The following IGF2 variants were observed in gnomAD, a reference collection of about 807,000 sequenced individuals.
IGF2 encodes insulin-like growth factor 2.
IGF2 carries 2 observed loss-of-function variants against 12.0 expected under a neutral mutation model. That is an observed-to-expected ratio of 0.17 (90% CI 0.07 to 0.52). The LOEUF (loss-of-function observed/expected upper bound fraction) is 0.52, where lower values mean the gene tolerates loss of function less well. Ranked by LOEUF, IGF2 falls within the 20% of genes least tolerant of loss-of-function variation. The probability of loss-of-function intolerance (pLI) is 0.95; values close to 1 mark genes in which losing one functional copy is unlikely to be tolerated. For synonymous variants in IGF2, 105 were observed against 110.1 expected (o/e 0.95, Z 0.29); for missense variants, 211 against 268.0 (o/e 0.79, Z 1.48).
At position 2,133,592 on chromosome 11, in the gene IGF2, C is replaced by G; in HGVS notation, c.231G>C (p.Leu77=). 1 of 1,613,036 alleles carries G rather than the reference C, an allele frequency of 6.2e-7. No homozygotes were observed. Among genetic ancestry groups the G allele is most frequent in the Admixed American group, 1.7e-5 (1 of 60,004 alleles). The change falls in exon 3 of 4, where the codon CTG becomes CTC. Residue 77 remains leucine (L), a synonymous_variant. Coordinates refer to ENST00000416167, the MANE Select transcript of IGF2 (RefSeq NM_000612.6). The surrounding 1 kb of genome is among the most constrained non-coding windows in gnomAD (Gnocchi z 8.9). ...VEECCFRSCD[L]ALLETYCATP... is the part of the protein sequence containing the mutation. ...TAGCACAGTACGTCTCCAGGAGGGC[C>G]AGGTCACAGCTGCGGAAACAGCACT...
chr11:2,143,694 T>G (rs1859738630), upstream of IGF2, among the ~76,000 whole-genome samples: 1 of 152,266 alleles, frequency 6.6e-6, no homozygotes, highest in African/African-American at 2.4e-5. Flanking sequence ...CCGCCGGGAC[T>G]GATGTGTTTT....
In IGF2 at chr11:2,138,967, G is replaced by T; in HGVS notation, c.-745C>A. The T allele has an allele frequency of 5.1e-6, 5 of 981,324 alleles. No homozygotes were observed. Among genetic ancestry groups the T allele is most frequent in the Non-Finnish European group, 6.0e-6 (5 of 826,920 alleles). 60.8% of individuals were successfully genotyped at this position (981,324 alleles called of 1,614,324 possible). On this transcript the variant is annotated 5_prime_UTR_variant, in exon 1 of 4. Coordinates refer to ENST00000416167, the MANE Select transcript of IGF2 (RefSeq NM_000612.6). The stretch of plus-strand genomic sequence containing the variant: ...TCGCGAGCCCGGGCCTCGGGAGGGG[G>T]ACAGGCGGTGGCGGCACCGGGGCCG...
intron 1 of IGF2, among the ~76,000 whole-genome samples, chr11:2,136,738 T>G (rs892216865): frequency 2.0e-5 from 3 of 152,244 alleles, no homozygotes; most frequent in Admixed American, 6.5e-5. Context: ...GGTCATCTCC[T>G]TGACTGGACC....
chr11:2,145,575 C>T (rs12295043), upstream of IGF2, among the ~76,000 whole-genome samples: 41 of 152,324 alleles, frequency 2.7e-4, no homozygotes, highest in African/African-American at 9.1e-4. Context: ...TCTGCCCTGC[C>T]GAGGTGCCTT....
upstream of IGF2, chr11:2,140,006 C>T: frequency 1.2e-6 from 1 of 842,680 alleles, no homozygotes; most frequent in South Asian, 2.3e-5. Context: ...GCCCCGGAGC[C>T]CCCGCCAGGT....
the IGF2 span, chr11:2,147,211 T>A: frequency 5.6e-6 from 1 of 177,968 alleles, no homozygotes; most frequent in Non-Finnish European, 1.2e-5. The surrounding 1 kb of genome is among the most constrained non-coding windows in gnomAD (Gnocchi z 7.2). Flanking sequence ...CCAATGATAT[T>A]TTCCCTTTTT....
chr11:2,131,430 G>A lies in IGF2; in HGVS notation c.*1557C>T, dbSNP rs1858538927. ...CATCCAATTTTGTGGGGGTGTGCGT[G>A]TGTGTGCGCATGTGTGTGTGCAGGT... On this transcript the variant is annotated 3_prime_UTR_variant, in exon 4 of 4. Transcript: ENST00000416167. 12 of 232,134 alleles carry A rather than the reference G, an allele frequency of 5.2e-5. No homozygotes were observed. In the Admixed American group the frequency reaches 6.7e-4, roughly 13 times the overall value. 14.4% of individuals were successfully genotyped at this position (232,134 alleles called of 1,614,324 possible).
Position 2,138,473 on chromosome 11 carries a change from G to T in IGF2, c.-251C>A. On this transcript the variant is annotated 5_prime_UTR_variant, in exon 1 of 4. Transcript: ENST00000416167. ...GCGGGCCAGATGTTGTACTTTTCGG[G>T]GGGGAAAAGGTATCGGGAAATGAGG... 4.3e-6 allele frequency: 4 copies of T among 934,128 alleles called. No individual in the cohort carries two copies. Among genetic ancestry groups the T allele is most frequent in the Non-Finnish European group, 5.1e-6 (4 of 787,420 alleles). The allele number at this position is 934,128 out of a possible 1,614,324, so 57.9% of individuals were successfully genotyped here.
upstream of IGF2, chr11:2,140,005 C>T (rs1002518397): frequency 9.8e-6 from 8 of 820,464 alleles, no homozygotes; most frequent in South Asian, 4.7e-5. Context: ...AGCCCCGGAG[C>T]CCCCGCCAGG....
rs1859336400 is a variant in IGF2 at position 2,139,073 on chromosome 11, T to C, written c.-851A>G. 2 of 93,524 alleles carry C rather than the reference T, an allele frequency of 2.1e-5. No individual in the cohort carries two copies. The highest frequency in any genetic ancestry group is 1.7e-5 in the Non-Finnish European group (1 of 59,514). 5.8% of individuals were successfully genotyped at this position (93,524 alleles called of 1,614,324 possible). A position where few individuals can be genotyped will look rare whatever the true frequency, so the allele number is the denominator to read the frequency against. ...GCTGGAGGGGGAGCGCGGGGGGGGG[T>C]GACAACGCCGGCGGCCTGCGAGCCG... On this transcript the variant is annotated 5_prime_UTR_variant, in exon 1 of 4. Transcript: ENST00000416167.
At chr11:2,137,052 AG>A (rs1223087279) in intron 1 of IGF2, 3 of 143,606 alleles carry the variant, frequency 2.1e-5, no homozygotes, top group Non-Finnish European at 2.9e-5. Context: ...AAAAGAGGGG[AG>A]GGGGGTGCTG....
chr11:2,134,924 A>G (rs530121719), intron 2 of IGF2, among the ~76,000 whole-genome samples: 62 of 152,230 alleles, frequency 4.1e-4, no homozygotes, highest in Non-Finnish European at 7.3e-4. Flanking sequence ...GATTTTAATT[A>G]TATAAATCAC....
rs972623695 is a variant in IGF2, at chr11:2,131,453, G to A, written c.*1534C>T. On this transcript the variant is annotated 3_prime_UTR_variant, in exon 4 of 4. Transcript: ENST00000416167. Reference sequence around the variant, plus strand: ...GTGTGTGTGCGCATGTGTGTGTGCAGGTGGGTGCTTGCGTGTGCAACGTGT... The same window carrying A: ...GTGTGTGTGCGCATGTGTGTGTGCAAGTGGGTGCTTGCGTGTGCAACGTGT... The A allele has an allele frequency of 4.3e-6, 1 of 232,038 alleles. No homozygotes were observed. The highest frequency in any genetic ancestry group is 8.5e-6 in the Non-Finnish European group (1 of 117,576). The allele number at this position is 232,038 out of a possible 1,614,324, so 14.4% of individuals were successfully genotyped here. A position where few individuals can be genotyped will look rare whatever the true frequency, so the allele number is the denominator to read the frequency against.
At chr11:2,146,430 G>C in the IGF2 span, 8 of 532,738 alleles carry the variant, frequency 1.5e-5, no homozygotes, top group Non-Finnish European at 2.7e-5. Flanking sequence ...GCGTCAGCCC[G>C]GCCGGCCTGG....
chr11:2,140,054 C>G (rs1859452641), upstream of IGF2: 1 of 1,395,672 alleles, frequency 7.2e-7, no homozygotes, highest in African/African-American at 1.5e-5. Flanking sequence ...CGGGCCGAAT[C>G]TGGGCCAGGC....
At chr11:2,147,581 TTGGGGCTGAGGC>T in the IGF2 span, 1 of 1,221,252 alleles carries the variant, frequency 8.2e-7, no homozygotes, top group Non-Finnish European at 1.0e-6. The surrounding 1 kb of genome is among the most constrained non-coding windows in gnomAD (Gnocchi z 7.2). Flanking sequence ...TGCCTCGCAG[TTGGGGCTGAGGC>T]TGGGGCTGGC....
chr11:2,141,487 T>C (rs1403252036), upstream of IGF2, among the ~76,000 whole-genome samples: 1 of 152,230 alleles, frequency 6.6e-6, no homozygotes, highest in Non-Finnish European at 1.5e-5. Context: ...GCCAGCTAGC[T>C]TGGGGGACCA....
the IGF2 span, chr11:2,147,945 C>T: frequency 7.8e-6 from 4 of 511,728 alleles, no homozygotes; most frequent in Admixed American, 4.4e-5. The surrounding 1 kb of genome is among the most constrained non-coding windows in gnomAD (Gnocchi z 7.2). Context: ...ATCTGGGCAG[C>T]GGCTTCCCCC....
rs1858509308 is a variant in IGF2, at chr11:2,131,038, C to T, written c.*1949G>A. ...TCCTCACTCTGGCTGGGCCAACACACAGTAAGTAAGGTGTATCGGGAATGG... is the reference window on the plus strand; with the variant it reads ...TCCTCACTCTGGCTGGGCCAACACATAGTAAGTAAGGTGTATCGGGAATGG... On this transcript the variant is annotated 3_prime_UTR_variant, in exon 4 of 4. Transcript: ENST00000416167. 2 of 231,104 alleles carry T rather than the reference C, an allele frequency of 8.7e-6. No homozygotes were observed. Among genetic ancestry groups the T allele is most frequent in the Non-Finnish European group, 1.7e-5 (2 of 116,816 alleles). 14.3% of individuals were successfully genotyped at this position (231,104 alleles called of 1,614,324 possible).
Sources: allele counts gnomAD v4.1 joint callset (sites outside exome capture counted in the v4.1 genomes callset), GRCh38; gene constraint gnomAD v4.1.1; non-coding constraint Gnocchi (gnomAD v3.1); transcripts MANE v1.5; gene names NCBI Gene and HGNC (gene_info 2026-07-23, HGNC 2026-07-21).